Variants in EML4 observed in about 807,000 individuals in gnomAD.
EML4 encodes EMAP like 4.
A neutral mutation model predicts 129.0 loss-of-function variants in EML4; 72 were observed. The ratio of observed to expected loss-of-function variants is 0.56; its 90% CI spans 0.46 to 0.68. The LOEUF (loss-of-function observed/expected upper bound fraction) is 0.68, where lower values mean the gene tolerates loss of function less well. Ranked by LOEUF, EML4 falls within the 30% of genes least tolerant of loss-of-function variation. The pLI is 0.00. For missense variants in EML4, 1,363 were observed against 1,190.6 expected (o/e 1.14, Z -2.13); for synonymous variants, 532 against 405.0 (o/e 1.31, Z -3.77).
chr2:42,225,013 C>A (rs577543246), intron 1 of EML4, among the ~76,000 whole-genome samples: 1 of 152,008 alleles, frequency 6.6e-6, no homozygotes, highest in African/African-American at 2.4e-5. Flanking sequence ...CAACATTTGT[C>A]CTTTTGTGTC....
intron 1 of EML4, among the ~76,000 whole-genome samples, chr2:42,186,437 A>T (rs1441038187): frequency 2.0e-5 from 3 of 152,210 alleles, no homozygotes; most frequent in African/African-American, 7.2e-5. Context: ...AATTTGAAAA[A>T]CAACAGATAA....
chr2:42,322,623 T>G (rs1558612011), intron 19 of EML4, among the ~76,000 whole-genome samples: 2 of 152,276 alleles, frequency 1.3e-5, no homozygotes, highest in Admixed American at 1.3e-4. Context: ...TAACGCCATA[T>G]GGCTATTTAA....
chr2:42,311,053 G>C (rs1335563136), intron 17 of EML4, among the ~76,000 whole-genome samples: 1 of 152,118 alleles, frequency 6.6e-6, no homozygotes, highest in Non-Finnish European at 1.5e-5. Context: ...ACTTAGGCAC[G>C]GTTTTGGTGG....
intron 1 of EML4, among the ~76,000 whole-genome samples, chr2:42,183,714 C>G (rs1019630757): frequency 9.2e-5 from 14 of 151,644 alleles, no homozygotes; most frequent in African/African-American, 3.2e-4. Flanking sequence ...ACTATGCTAC[C>G]TTTATGGTTG....
intron 1 of EML4, among the ~76,000 whole-genome samples, chr2:42,235,587 AG>A (rs1351126376): frequency 2.6e-5 from 4 of 152,198 alleles, no homozygotes; most frequent in African/African-American, 4.8e-5. Flanking sequence ...CTAACCTATA[AG>A]GGCTGCACAG....
chr2:42,309,297 T>C (rs1397947490), intron 17 of EML4, among the ~76,000 whole-genome samples: 1 of 151,838 alleles, frequency 6.6e-6, no homozygotes, highest in Non-Finnish European at 1.5e-5. Flanking sequence ...TGGTCCCAGC[T>C]ACTCAGGAGC....
chr2:42,260,263 G>A (rs1406891328), intron 3 of EML4, among the ~76,000 whole-genome samples: 2 of 151,982 alleles, frequency 1.3e-5, no homozygotes, highest in African/African-American at 4.8e-5. Context: ...CGCCTCCCTG[G>A]CTCAAGTGAT....
chr2:42,317,511 A>G lies in EML4; in HGVS notation c.2141A>G (p.Tyr714Cys), dbSNP rs1468500036. Residue 714 changes from tyrosine (Y) to cysteine (C), a missense_variant, in exon 19 of 23, where the codon TAT becomes TGT. Coordinates refer to ENST00000318522, the MANE Select transcript of EML4 (RefSeq NM_019063.5). ...GAAAATGGAAGAAAATATAGCAGAT[A>G]TGGAAGGTGCACTGTAAGTAGTGAA... ...VSENGRKYSRYGRCTGHSSYI... is the reference protein window; with the variant it reads ...VSENGRKYSRCGRCTGHSSYI... The G allele has an allele frequency of 1.9e-6, 3 of 1,607,966 alleles. No individual in the cohort carries two copies. Among genetic ancestry groups the G allele is most frequent in the East Asian group, 4.5e-5 (2 of 44,770 alleles).
chr2:42,243,421 G>A (rs1675170346), intron 1 of EML4, among the ~76,000 whole-genome samples: 1 of 125,804 alleles, frequency 7.9e-6, no homozygotes, highest in Admixed American at 7.9e-5. Context: ...CATTCCTTAA[G>A]CATCTCAGAG....
chr2:42,204,151 C>T (rs1203292523), intron 1 of EML4, among the ~76,000 whole-genome samples: 2 of 152,210 alleles, frequency 1.3e-5, no homozygotes, highest in South Asian at 2.1e-4. Context: ...AACTCCTGGG[C>T]TCAAGTGATC....
chr2:42,216,757 T>G (rs1183000127), intron 1 of EML4, among the ~76,000 whole-genome samples: 1 of 152,258 alleles, frequency 6.6e-6, no homozygotes, highest in Non-Finnish European at 1.5e-5. Context: ...CTGCTATTTT[T>G]AACCATGCCA....
chr2:42,263,943 A>T lies in EML4; in HGVS notation c.641+637A>T, dbSNP rs145664284. 3.1e-3 allele frequency among the ~76,000 whole-genome samples: 472 copies of T among 151,692 alleles called. 9 individuals carry two copies. Among genetic ancestry groups the T allele is most frequent in the Admixed American group, 0.02 (307 of 15,238 alleles). On this transcript the variant is annotated intron_variant, in intron 5 of 22. Coordinates refer to ENST00000318522, the MANE Select transcript of EML4 (RefSeq NM_019063.5). ...TGGTGTTTTCACCACGTTAGCCAGG[A>T]TGATCTCGATCTCTTGACCTCGTGA...
chr2:42,279,719 C>A (rs1666898710), intron 6 of EML4, among the ~76,000 whole-genome samples: 1 of 151,914 alleles, frequency 6.6e-6, no homozygotes, highest in African/African-American at 2.4e-5. Flanking sequence ...CATGATCTGC[C>A]CATCTCAGCC....
Position 42,215,949 on chromosome 2 carries a change from C to G in EML4, c.26-29556C>G, listed in dbSNP as rs947937850. ...TTTTTCTTTTTTTTTGAAACGGAGT[C>G]TAGCTCTGTCACCCAGGGTAGAGTG... On this transcript the variant is annotated intron_variant, in intron 1 of 22. Coordinates refer to ENST00000318522, the MANE Select transcript of EML4 (RefSeq NM_019063.5). Among the ~76,000 whole-genome samples, 9 of 151,310 alleles carry G rather than the reference C, an allele frequency of 5.9e-5. 1 individual carries two copies.
chr2:42,271,923 C>T (rs751210836), intron 6 of EML4, among the ~76,000 whole-genome samples: 2 of 151,806 alleles, frequency 1.3e-5, no homozygotes, highest in Non-Finnish European at 2.9e-5. Context: ...GCCAACATGG[C>T]AAAACCCCAT....
Position 42,331,913 on chromosome 2 carries a change from C to CT in EML4, c.*1709dup, listed in dbSNP as rs1670122949. On this transcript the variant is annotated 3_prime_UTR_variant, in exon 23 of 23. Coordinates refer to ENST00000318522, the MANE Select transcript of EML4 (RefSeq NM_019063.5). ...TCTATGTGTATAGGTATCTGTATATCTTTCCTTTTGTTTACAACTGTTAAA... is the reference window on the plus strand; with the variant it reads ...TCTATGTGTATAGGTATCTGTATATCTTTTCCTTTTGTTTACAACTGTTAAA... 1 of 159,826 alleles carries CT rather than the reference C, an allele frequency of 6.3e-6. No homozygotes were observed. Among genetic ancestry groups the CT allele is most frequent in the Non-Finnish European group, 1.2e-5 (1 of 83,406 alleles). 9.9% of individuals were successfully genotyped at this position (159,826 alleles called of 1,614,324 possible).
intron 2 of EML4, among the ~76,000 whole-genome samples, chr2:42,252,611 C>T (rs1195512615): frequency 3.3e-5 from 5 of 152,292 alleles, no homozygotes; most frequent in African/African-American, 7.2e-5. Context: ...TTTTGTTCTA[C>T]GTGCTGGCCA....
At chr2:42,311,627 C>T (rs1668958166) in intron 17 of EML4, among the ~76,000 whole-genome samples, 2 of 152,110 alleles carry the variant, frequency 1.3e-5, no homozygotes, top group African/African-American at 4.8e-5. Flanking sequence ...TGATACAGAG[C>T]AGTTCTGTAT....
intron 1 of EML4, among the ~76,000 whole-genome samples, chr2:42,223,282 T>C (rs756973012): frequency 6.6e-6 from 1 of 152,164 alleles, no homozygotes; most frequent in Admixed American, 6.5e-5. Context: ...AAGATTACTG[T>C]TCAGAACTGA....
Sources: allele counts gnomAD v4.1 joint callset (sites outside exome capture counted in the v4.1 genomes callset), GRCh38; gene constraint gnomAD v4.1.1; transcripts MANE v1.5; gene names NCBI Gene and HGNC (gene_info 2026-07-23, HGNC 2026-07-21).